MSH3: variants seen among roughly 807,000 people sequenced by gnomAD.
MSH3 encodes mutS homolog 3.
MSH3 carries 106 observed loss-of-function variants against 123.3 expected under a neutral mutation model. That is an observed-to-expected ratio of 0.86 (90% CI 0.73 to 1.01). MSH3 has a LOEUF of 1.01. MSH3 is among the 50% of genes least tolerant of loss of function. MSH3 has a pLI of 0.00. For synonymous variants in MSH3, 515 were observed against 481.4 expected (o/e 1.07, Z -0.91); for missense variants, 1,459 against 1,347.6 (o/e 1.08, Z -1.29).
chr5:80,820,929 G>C (rs1018323559), intron 20 of MSH3, among the ~76,000 whole-genome samples: 1 of 152,198 alleles, frequency 6.6e-6, no homozygotes, highest in African/African-American at 2.4e-5. Context: ...TAGTTGCTCA[G>C]TCTGGACTCT....
intron 20 of MSH3, among the ~76,000 whole-genome samples, chr5:80,845,840 G>C (rs1465992990): frequency 5.9e-5 from 9 of 152,088 alleles, no homozygotes; most frequent in African/African-American, 2.2e-4. Flanking sequence ...CATGTGATGG[G>C]TTAGAACATG....
chr5:80,870,810 A>G (rs1348733392), intron 22 of MSH3, among the ~76,000 whole-genome samples: 1 of 152,234 alleles, frequency 6.6e-6, no homozygotes, highest in Non-Finnish European at 1.5e-5. Context: ...AAAAGCATAC[A>G]CATCTATCAA....
chr5:80,770,550 A>T (rs1168604595), intron 15 of MSH3, among the ~76,000 whole-genome samples: 1 of 152,186 alleles, frequency 6.6e-6, no homozygotes, highest in African/African-American at 2.4e-5. Flanking sequence ...AACAATGCCC[A>T]AAAGGGTCAT....
At chr5:80,873,555 A>G (rs547156376) in intron 23 of MSH3, among the ~76,000 whole-genome samples, 3 of 152,344 alleles carry the variant, frequency 2.0e-5, no homozygotes, top group South Asian at 2.1e-4. Context: ...TATGTGCCAC[A>G]TTCATTACTT....
At chr5:80,781,797 A>T (rs1744414703) in intron 17 of MSH3, among the ~76,000 whole-genome samples, 1 of 151,994 alleles carries the variant, frequency 6.6e-6, no homozygotes, top group South Asian at 2.1e-4. Context: ...ACAGCCCATT[A>T]TTACCTCAAA....
At position 80,787,715 on chromosome 5, in the gene MSH3, A is replaced by C. The variant is rs200732888; in HGVS notation, c.2543+43A>C. On this transcript the variant is annotated intron_variant, in intron 18 of 23. Transcript: ENST00000265081. Reference sequence around the variant, plus strand: ...TTCCTCTTTATCAGTGCTTTAGATAAGATGACATTATTCAATTAATTATAG... The same window carrying C: ...TTCCTCTTTATCAGTGCTTTAGATACGATGACATTATTCAATTAATTATAG... 1.9e-5 allele frequency: 24 copies of C among 1,250,906 alleles called. No individual in the cohort carries two copies. The East Asian group carries it at 5.6e-4, about 29-fold the overall frequency. The allele number at this position is 1,250,906 out of a possible 1,614,324, so 77.5% of individuals were successfully genotyped here. A position where few individuals can be genotyped will look rare whatever the true frequency, so the allele number is the denominator to read the frequency against.
chr5:80,708,856 C>G (rs187075416), intron 8 of MSH3, among the ~76,000 whole-genome samples: 172 of 152,170 alleles, frequency 1.1e-3, no homozygotes, highest in African/African-American at 4.0e-3. Flanking sequence ...TTCACTTCAA[C>G]CTCCGCCTCC....
intron 8 of MSH3, among the ~76,000 whole-genome samples, chr5:80,717,519 G>C (rs975915266): frequency 5.3e-5 from 8 of 152,192 alleles, no homozygotes; most frequent in Admixed American, 5.2e-4. Flanking sequence ...CCAAGTAGTT[G>C]GGTCTATAGG....
chr5:80,718,319 A>C (rs139505789), intron 8 of MSH3, among the ~76,000 whole-genome samples: 1 of 152,290 alleles, frequency 6.6e-6, no homozygotes, highest in African/African-American at 2.4e-5. Context: ...AGGTCTTGCT[A>C]TGTTGCGCAG....
chr5:80,787,719 G>T, intron 18 of MSH3, 47 bp downstream of exon 18: 2 of 1,230,084 alleles, frequency 1.6e-6, no homozygotes, highest in South Asian at 1.2e-5. Flanking sequence ...TAGATAAGAT[G>T]ACATTATTCA....
intron 8 of MSH3, chr5:80,715,143 T>C (rs1482402341): frequency 2.0e-5 from 3 of 152,214 alleles, no homozygotes; most frequent in Non-Finnish European, 4.4e-5. Context: ...ATTTTTAAAA[T>C]GGGAATAATG....
chr5:80,805,945 C>T (rs1352056930), intron 19 of MSH3, among the ~76,000 whole-genome samples: 1 of 152,080 alleles, frequency 6.6e-6, no homozygotes, highest in Non-Finnish European at 1.5e-5. Context: ...TTGAAGGTAT[C>T]AGTCCTTCTT....
intron 8 of MSH3, among the ~76,000 whole-genome samples, chr5:80,680,942 A>G (rs1749959043): frequency 6.6e-6 from 1 of 152,186 alleles, no homozygotes; most frequent in Non-Finnish European, 1.5e-5. Context: ...ATATACAGAA[A>G]TACTCATGTG....
At chr5:80,749,050 GTTTTATC>G (rs1433860405) in intron 12 of MSH3, among the ~76,000 whole-genome samples, 2 of 151,946 alleles carry the variant, frequency 1.3e-5, no homozygotes, top group Admixed American at 6.6e-5. Flanking sequence ...AATTTGTAAA[GTTTTATC>G]TTTAATTGAC....
At chr5:80,836,224 A>G (rs573555088) in intron 20 of MSH3, among the ~76,000 whole-genome samples, 2 of 152,320 alleles carry the variant, frequency 1.3e-5, no homozygotes, top group African/African-American at 4.8e-5. Flanking sequence ...AATTTTGGAC[A>G]TTCACAAAAT....
At chr5:80,740,896 A>G (rs979113451) in intron 10 of MSH3, among the ~76,000 whole-genome samples, 1 of 151,326 alleles carries the variant, frequency 6.6e-6, no homozygotes, top group Non-Finnish European at 1.5e-5. Context: ...TATGTTTTTT[A>G]GTAGAGACGA....
At chr5:80,765,915 C>T (rs1482206164) in intron 13 of MSH3, among the ~76,000 whole-genome samples, 1 of 152,092 alleles carries the variant, frequency 6.6e-6, no homozygotes, top group Non-Finnish European at 1.5e-5. Context: ...TTGTTACTAC[C>T]TTCACATTTG....
intron 20 of MSH3, among the ~76,000 whole-genome samples, chr5:80,819,462 GTGTGTATA>G (rs1288953501): frequency 3.4e-5 from 5 of 146,836 alleles, no homozygotes; most frequent in Non-Finnish European, 6.0e-5. Context: ...GTGTGTGTGT[GTGTGTATA>G]TATATATATA....
At chr5:80,809,560 G>A (rs1744970050) in intron 19 of MSH3, among the ~76,000 whole-genome samples, 2 of 151,858 alleles carry the variant, frequency 1.3e-5, no homozygotes, top group South Asian at 4.2e-4. Context: ...CATTTCCATT[G>A]GTCCCTCTCA....
Sources: gnomAD v4.1 joint callset for allele counts (sites outside exome capture counted in the v4.1 genomes callset) on GRCh38, gnomAD v4.1.1 for gene constraint, MANE v1.5 for transcripts, NCBI Gene and HGNC (gene_info 2026-07-23, HGNC 2026-07-21) for gene names.